The following CLBA1 variants were observed in gnomAD, a reference collection of about 807,000 sequenced individuals.
CLBA1 encodes uncharacterized protein CLBA1.
Under a neutral mutation model 28.8 loss-of-function variants are expected in CLBA1, and 30 were observed. The observed-to-expected ratio is 1.04, with a 90% confidence interval of 0.78 to 1.41. The LOEUF (loss-of-function observed/expected upper bound fraction) is 1.41, where lower values mean the gene tolerates loss of function less well. CLBA1 is among the 40% of genes most tolerant of loss of function. The probability of loss-of-function intolerance (pLI) is 0.00; values close to 1 mark genes in which losing one functional copy is unlikely to be tolerated. For synonymous variants in CLBA1, 160 were observed against 152.8 expected, an observed-to-expected ratio of 1.05 and a Z score of -0.35; for missense variants, 451 against 412.3, an observed-to-expected ratio of 1.09 and a Z score of -0.81.
At chr14:104,987,662 G>A (rs1899904654) in intron 1 of CLBA1, among the ~76,000 whole-genome samples, 1 of 120,660 alleles carries the variant, frequency 8.3e-6, no homozygotes, top group Non-Finnish European at 1.6e-5. Flanking sequence ...CTGTCGCTGA[G>A]GCTGGAGTGC....
At chr14:104,987,590 G>A (rs1021428177) in intron 1 of CLBA1, among the ~76,000 whole-genome samples, 1 of 98,828 alleles carries the variant, frequency 1.0e-5, no homozygotes, top group Non-Finnish European at 2.2e-5. Context: ...GGGCTGGCCT[G>A]TTTTCTCTTC....
chr14:104,995,605 C>A, downstream of CLBA1: 1 of 678,154 alleles, frequency 1.5e-6, no homozygotes. Context: ...AAGCAGCCAC[C>A]CTGGCTGTCT....
At position 104,994,736 on chromosome 14, in the gene CLBA1, C is replaced by T; in HGVS notation, c.955C>T (p.Leu319Phe). 6 of 1,610,100 alleles carry T rather than the reference C, an allele frequency of 3.7e-6. No homozygotes were observed. Among genetic ancestry groups the T allele is most frequent in the Non-Finnish European group, 4.2e-6 (5 of 1,178,620 alleles). Residue 319 changes from leucine to phenylalanine, a missense_variant, in exon 5 of 5, where the codon CTC becomes TTC. Transcript: ENST00000547315. Reference protein sequence around the residue: ...MFTPRKLKLTLFNSDVC With the variant: ...MFTPRKLKLTFFNSDVC ...CACTCCACGCAAGCTCAAACTGACA[C>T]TCTTTAATAGCGACGTTTGCTAAAA...
intron 3 of CLBA1, among the ~76,000 whole-genome samples, 172 bp from the exon 4 acceptor site, chr14:104,992,776 A>G (rs1014372617): frequency 6.6e-6 from 1 of 152,218 alleles, no homozygotes; most frequent in African/African-American, 2.4e-5. Flanking sequence ...TGAGCCGGGC[A>G]TGAGGCAGCG....
At chr14:104,986,994 C>T (rs900944240) in intron 1 of CLBA1, 140 bp downstream of exon 1, 2 of 1,030,452 alleles carry the variant, frequency 1.9e-6, no homozygotes, top group Admixed American at 5.4e-5. Context: ...TGGCCTTCGT[C>T]CCTGGCCATG....
Position 104,994,723 on chromosome 14 carries a change from G to A in CLBA1, c.942G>A (p.Lys314=). Residue 314 remains lysine, a synonymous_variant, in exon 5 of 5, where the codon AAG becomes AAA. Coordinates refer to ENST00000547315, the MANE Select transcript of CLBA1 (RefSeq NM_174891.4). The part of the protein sequence containing the change: ...IPRKRMFTPR[K]LKLTLFNSDV... ...GGAAAAGGATGTTCACTCCACGCAAGCTCAAACTGACACTCTTTAATAGCG... is the reference window on the plus strand; with the variant it reads ...GGAAAAGGATGTTCACTCCACGCAAACTCAAACTGACACTCTTTAATAGCG... 6.2e-7 allele frequency: 1 copy of A among 1,613,152 alleles called. No individual in the cohort carries two copies. Among genetic ancestry groups the A allele is most frequent in the Non-Finnish European group, 8.5e-7 (1 of 1,179,608 alleles).
chr14:104,999,766 A>G (rs1900231561), downstream of CLBA1, among the ~76,000 whole-genome samples: 1 of 152,252 alleles, frequency 6.6e-6, no homozygotes, highest in Admixed American at 6.5e-5. Context: ...AATAATGAAA[A>G]TGGCACTGAT....
At chr14:104,990,047 C>T (rs1188676854) in intron 2 of CLBA1, 17 of 208,040 alleles carry the variant, frequency 8.2e-5, no homozygotes, top group Admixed American at 7.7e-4. Flanking sequence ...GTGTGTGGTG[C>T]TTCTGCAAAG....
At chr14:104,996,967 C>A (rs1900167421), downstream of CLBA1, among the ~76,000 whole-genome samples, 1 of 152,206 alleles carries the variant, frequency 6.6e-6, no homozygotes, top group Admixed American at 6.5e-5. Context: ...CTCGATTGTT[C>A]TTTTATATGA....
At chr14:104,991,852 C>A (rs878890240) in intron 3 of CLBA1, among the ~76,000 whole-genome samples, 2 of 152,178 alleles carry the variant, frequency 1.3e-5, no homozygotes, top group Admixed American at 1.3e-4. Flanking sequence ...CTGGAAGGAA[C>A]GGGCCTGAGC....
At chr14:104,997,140 A>G (rs1595446835), downstream of CLBA1, among the ~76,000 whole-genome samples, 1 of 152,196 alleles carries the variant, frequency 6.6e-6, no homozygotes, top group South Asian at 2.1e-4. Flanking sequence ...ATGGCGGGTG[A>G]CATTCACCAA....
At chr14:104,992,134 C>T (rs2582570) in intron 3 of CLBA1, among the ~76,000 whole-genome samples, 3 of 149,744 alleles carry the variant, frequency 2.0e-5, no homozygotes, top group African/African-American at 4.9e-5. Context: ...ACCACGCACA[C>T]GCCGCCATGC....
intron 3 of CLBA1, 97 bp from the exon 4 acceptor site, chr14:104,992,851 A>G (rs1900072691): frequency 1.0e-6 from 1 of 1,004,554 alleles, no homozygotes; most frequent in African/African-American, 1.6e-5. Flanking sequence ...AGAACTTTGC[A>G]GTTTTAGCAT....
chr14:104,994,647 G>C lies in CLBA1; in HGVS notation c.866G>C (p.Arg289Pro). The change falls in exon 5 of 5, where the codon CGC becomes CCC. Residue 289 changes from arginine (R) to proline (P), a missense_variant. Transcript: ENST00000547315. Reference sequence around the variant, plus strand: ...CAGGGGAGGCTGATGACATGCAGCCGCTTCCTGAAGACCCCCTCATGCGGA... The same window carrying C: ...CAGGGGAGGCTGATGACATGCAGCCCCTTCCTGAAGACCCCCTCATGCGGA... ...SKQGRLMTCS[R>P]FLKTPSCGGG... The C allele has an allele frequency of 6.2e-7, 1 of 1,613,610 alleles. No individual in the cohort carries two copies. The highest frequency in any genetic ancestry group is 8.5e-7 in the Non-Finnish European group (1 of 1,179,954).
intron 4 of CLBA1, chr14:104,993,285 A>G: frequency 7.1e-6 from 7 of 985,402 alleles, no homozygotes; most frequent in Non-Finnish European, 8.4e-6. Flanking sequence ...AAAGACTCTC[A>G]GGCCAGAGGA....
downstream of CLBA1, among the ~76,000 whole-genome samples, chr14:104,998,174 A>G (rs902807049): frequency 4.6e-5 from 7 of 152,150 alleles, no homozygotes; most frequent in Non-Finnish European, 8.8e-5. Context: ...TGAGAGGCCA[A>G]GGTGGAAGGA....
In CLBA1 at chr14:104,994,908, G is replaced by T. The variant is rs1184994651; in HGVS notation, c.*149G>T. ...CAACAGGACCTGTCCTGTGTTCTGGGCTTGTCTCGGGTCTGACCAGGAGAT... is the reference window on the plus strand; with the variant it reads ...CAACAGGACCTGTCCTGTGTTCTGGTCTTGTCTCGGGTCTGACCAGGAGAT... On this transcript the variant is annotated 3_prime_UTR_variant, in exon 5 of 5. Transcript: ENST00000547315. 1.4e-6 allele frequency: 2 copies of T among 1,394,792 alleles called. No homozygotes were observed. Among genetic ancestry groups the T allele is most frequent in the Non-Finnish European group, 1.9e-6 (2 of 1,078,364 alleles). 86.4% of individuals were successfully genotyped at this position (1,394,792 alleles called of 1,614,324 possible).
chr14:104,993,526 C>A, intron 4 of CLBA1: 5 of 985,476 alleles, frequency 5.1e-6, no homozygotes, highest in Non-Finnish European at 4.8e-6. Flanking sequence ...GCTTTTCTCT[C>A]ATGAGCCGCG....
intron 3 of CLBA1, 66 bp from the exon 4 acceptor site, chr14:104,992,882 G>C: frequency 7.7e-7 from 1 of 1,294,340 alleles, no homozygotes; most frequent in African/African-American, 1.5e-5. Context: ...GAGGGGCTCA[G>C]GGGAAAAGGA....
Sources: gnomAD v4.1 joint callset for allele counts (sites outside exome capture counted in the v4.1 genomes callset) on GRCh38, gnomAD v4.1.1 for gene constraint, MANE v1.5 for transcripts, NCBI Gene and HGNC (gene_info 2026-07-23, HGNC 2026-07-21) for gene names.